The following CIMIP2A variants were observed in gnomAD, a reference collection of about 807,000 sequenced individuals.
CIMIP2A encodes family with sequence similarity 166 member A.
the CIMIP2A span, chr9:137,253,245 G>C: frequency 2.5e-6 from 4 of 1,604,874 alleles, no homozygotes; most frequent in Non-Finnish European, 3.4e-6. Context: ...GCACGCTCTA[G>C]AGCCAGCTGG....
the CIMIP2A span, chr9:137,244,269 T>G: frequency 3.1e-6 from 5 of 1,613,590 alleles, no homozygotes; most frequent in African/African-American, 2.7e-5. Flanking sequence ...CAGGTCACAG[T>G]GGGGGTTTCT....
At chr9:137,252,101 C>T in the CIMIP2A span, 1 of 1,612,450 alleles carries the variant, frequency 6.2e-7, no homozygotes, top group Non-Finnish European at 8.5e-7. Context: ...CCCCACACCC[C>T]CACTACAGCA....
the CIMIP2A span, among the ~76,000 whole-genome samples, chr9:137,248,168 T>C: frequency 2.6e-5 from 4 of 152,208 alleles, no homozygotes; most frequent in African/African-American, 7.2e-5. Context: ...CAGCCCTTCA[T>C]GTGGCGCAGG....
chr9:137,246,463 G>C, the CIMIP2A span, among the ~76,000 whole-genome samples: 5 of 152,190 alleles, frequency 3.3e-5, no homozygotes, highest in Non-Finnish European at 5.9e-5. Flanking sequence ...AACTACCTTC[G>C]TCTTAAAAAC....
chr9:137,247,007 C>T, the CIMIP2A span, among the ~76,000 whole-genome samples: 17 of 151,972 alleles, frequency 1.1e-4, no homozygotes, highest in Admixed American at 3.3e-4. Context: ...GAGTCCTGGC[C>T]GGGCGTGGTG....
At chr9:137,252,554 G>A in the CIMIP2A span, 98 of 1,217,770 alleles carry the variant, frequency 8.0e-5, no homozygotes, top group Non-Finnish European at 1.1e-4. Context: ...AGGGGGCGGG[G>A]AGTCCACGCA....
the CIMIP2A span, among the ~76,000 whole-genome samples, chr9:137,249,510 G>A: frequency 1.3e-5 from 2 of 152,208 alleles, no homozygotes; most frequent in African/African-American, 2.4e-5. Flanking sequence ...ATGCTTGGGG[G>A]GTGCGGGCGG....
the CIMIP2A span, among the ~76,000 whole-genome samples, chr9:137,246,925 A>G: frequency 1.3e-5 from 2 of 151,836 alleles, no homozygotes; most frequent in Non-Finnish European, 2.9e-5. Flanking sequence ...TAGAGGGGTT[A>G]CTTTTATTTT....
chr9:137,243,648 C>A, the CIMIP2A span: 1 of 1,614,014 alleles, frequency 6.2e-7, no homozygotes, highest in Non-Finnish European at 8.5e-7. Context: ...TGTGCACTTG[C>A]TGTTTTCCCT....
chr9:137,252,596 A>AGGGGGGCTGGCTGAGGGTCCCCT, the CIMIP2A span: 1 of 1,052,352 alleles, frequency 9.5e-7, no homozygotes, highest in Non-Finnish European at 1.3e-6. Context: ...GTGGGGCCAA[A>AGGGGGGCTGGCTGAGGGTCCCCT]GGGGGGCTGG....
At chr9:137,251,220 A>G in the CIMIP2A span, 7 of 1,110,414 alleles carry the variant, frequency 6.3e-6, no homozygotes, top group East Asian at 1.2e-4. Context: ...TCCCAGCAAC[A>G]GAGGGGCCTA....
chr9:137,251,563 T>G, the CIMIP2A span, among the ~76,000 whole-genome samples: 1 of 94,492 alleles, frequency 1.1e-5, no homozygotes, highest in Non-Finnish European at 2.2e-5. Flanking sequence ...TGAGGGACAG[T>G]AGAGGGGACA....
At chr9:137,244,261 G>C in the CIMIP2A span, 1 of 1,613,848 alleles carries the variant, frequency 6.2e-7, no homozygotes, top group South Asian at 1.1e-5. Context: ...TTCTCGCCCA[G>C]GTCACAGTGG....
the CIMIP2A span, chr9:137,252,562 G>C: frequency 6.8e-7 from 1 of 1,472,584 alleles, no homozygotes; most frequent in Non-Finnish European, 9.3e-7. Flanking sequence ...GGGAGTCCAC[G>C]CAGGCAGGGG....
the CIMIP2A span, chr9:137,245,399 T>C: frequency 1.9e-5 from 30 of 1,613,554 alleles, no homozygotes; most frequent in East Asian, 1.8e-4. Flanking sequence ...GAGTCTCCCT[T>C]CCTGCCTGGT....
At chr9:137,244,498 C>T in the CIMIP2A span, 50 of 1,499,250 alleles carry the variant, frequency 3.3e-5, no homozygotes, top group Admixed American at 4.2e-4. Flanking sequence ...GCGGCACCTC[C>T]GGGGACAGGA....
At chr9:137,251,368 C>A in the CIMIP2A span, 10 of 1,613,156 alleles carry the variant, frequency 6.2e-6, no homozygotes, top group Non-Finnish European at 6.8e-6. Flanking sequence ...CCATGGTCAC[C>A]TGAGGCAGAC....
At chr9:137,252,990 G>T in the CIMIP2A span, 1 of 1,576,152 alleles carries the variant, frequency 6.3e-7, no homozygotes, top group South Asian at 1.2e-5. Flanking sequence ...AGAGAAGAGG[G>T]CTAGGGATGG....
chr9:137,251,053 C>T, the CIMIP2A span: 11 of 539,012 alleles, frequency 2.0e-5, no homozygotes, highest in Middle Eastern at 5.0e-4. Context: ...GGAAAGGTTG[C>T]GGGGAGGGAG....
Sources: gnomAD v4.1 joint callset for allele counts (sites outside exome capture counted in the v4.1 genomes callset) on GRCh38, gnomAD v4.1.1 for gene constraint, MANE v1.5 for transcripts, NCBI Gene and HGNC (gene_info 2026-07-23, HGNC 2026-07-21) for gene names.